Variants in VKORC1L1 observed in about 807,000 individuals in gnomAD.
VKORC1L1 encodes vitamin K epoxide reductase complex subunit 1L1.
A neutral mutation model predicts 18.9 loss-of-function variants in VKORC1L1; 2 were observed. The observed-to-expected ratio is 0.11, with a 90% confidence interval of 0.04 to 0.33. The LOEUF is 0.33. Among genes scored for constraint, VKORC1L1 ranks in the 10% least tolerant of loss-of-function variants. The pLI, the probability that VKORC1L1 is intolerant of heterozygous loss-of-function variation, is 1.00. For synonymous variants in VKORC1L1, 96 were observed against 100.0 expected (o/e 0.96, Z 0.24); for missense variants, 123 against 224.1 (o/e 0.55, Z 2.88).
intron 1 of VKORC1L1, among the ~76,000 whole-genome samples, chr7:65,907,217 C>T (rs1789420594): frequency 6.6e-6 from 1 of 152,046 alleles, no homozygotes; most frequent in Non-Finnish European, 1.5e-5. Flanking sequence ...GAGGCAGGCA[C>T]ACCATCTGAA....
At chr7:65,886,621 T>C (rs1163606593) in intron 1 of VKORC1L1, among the ~76,000 whole-genome samples, 1 of 151,948 alleles carries the variant, frequency 6.6e-6, no homozygotes, top group Non-Finnish European at 1.5e-5. Flanking sequence ...CACTGCAACC[T>C]CCGCCTCCCG....
chr7:65,928,216 C>A (rs1003861810), intron 1 of VKORC1L1, among the ~76,000 whole-genome samples: 20 of 149,360 alleles, frequency 1.3e-4, no homozygotes, highest in African/African-American at 4.9e-4. Context: ...CTATTAGCAT[C>A]AACATCAAAA....
At chr7:65,933,443 G>T (rs952501550) in intron 1 of VKORC1L1, among the ~76,000 whole-genome samples, 14 of 151,870 alleles carry the variant, frequency 9.2e-5, no homozygotes, top group African/African-American at 3.4e-4. Context: ...ATACAAGCAC[G>T]GTACCTTTTG....
At chr7:65,950,329 A>C (rs187788849) in intron 2 of VKORC1L1, among the ~76,000 whole-genome samples, 6 of 152,318 alleles carry the variant, frequency 3.9e-5, no homozygotes, top group Non-Finnish European at 7.4e-5. Flanking sequence ...TTTTAGAGTT[A>C]AATCCATCTG....
At chr7:65,897,368 TC>T (rs760763972) in intron 1 of VKORC1L1, among the ~76,000 whole-genome samples, 4 of 152,226 alleles carry the variant, frequency 2.6e-5, no homozygotes, top group Non-Finnish European at 4.4e-5. Context: ...GATAGCTACT[TC>T]CGTATATTAA....
chr7:65,913,564 A>G (rs1789537437), intron 1 of VKORC1L1, among the ~76,000 whole-genome samples: 1 of 151,758 alleles, frequency 6.6e-6, no homozygotes, highest in East Asian at 1.9e-4. Context: ...CATCTCTACT[A>G]AAAATACAAA....
At chr7:65,903,937 A>T (rs1021249789) in intron 1 of VKORC1L1, among the ~76,000 whole-genome samples, 1 of 151,974 alleles carries the variant, frequency 6.6e-6, no homozygotes, top group Admixed American at 6.6e-5. Context: ...AAACATAAGA[A>T]TTTTTTTTCC....
chr7:65,925,571 T>G (rs36033484), intron 1 of VKORC1L1, among the ~76,000 whole-genome samples: 16,907 of 152,208 alleles, frequency 0.11, 1,095 homozygotes, highest in Middle Eastern at 0.2. Context: ...TTAAGCTTCT[T>G]GAGGGTAGGG....
chr7:65,870,729 G>A (rs543015298), upstream of VKORC1L1, among the ~76,000 whole-genome samples: 3 of 152,312 alleles, frequency 2.0e-5, no homozygotes, highest in Non-Finnish European at 4.4e-5. Flanking sequence ...GGAAGTTGCA[G>A]GAGTCTACTT....
chr7:65,951,648 A>G (rs780963172), intron 2 of VKORC1L1, among the ~76,000 whole-genome samples: 17 of 152,010 alleles, frequency 1.1e-4, no homozygotes, highest in Admixed American at 8.5e-4. Context: ...CCTTCCCTTT[A>G]TGCCTGGTTT....
At chr7:65,910,877 C>G (rs1481818929) in intron 1 of VKORC1L1, among the ~76,000 whole-genome samples, 1 of 152,156 alleles carries the variant, frequency 6.6e-6, no homozygotes. Context: ...TCATCTGCTT[C>G]TATTAGCCTT....
intron 1 of VKORC1L1, among the ~76,000 whole-genome samples, chr7:65,896,572 T>TCCC (rs1789217030): frequency 7.1e-6 from 1 of 140,666 alleles, no homozygotes. Context: ...CCTTCCTTCT[T>TCCC]TCCCTCCCTC....
In VKORC1L1 at chr7:65,886,991, A is replaced by C. The variant is rs538769880; in HGVS notation, c.194+13426A>C. ...CAGCCTCCCAAGTAGCTGGGATTAC[A>C]GGCGCACGCCACCAACCCTGGCTGA... On this transcript the variant is annotated intron_variant, in intron 1 of 2. Coordinates refer to ENST00000360768, the MANE Select transcript of VKORC1L1 (RefSeq NM_173517.6). Among the ~76,000 whole-genome samples the C allele has an allele frequency of 5.5e-4, 83 of 151,254 alleles. 2 individuals carry two copies. The highest frequency in any genetic ancestry group is 2.8e-4 in the Non-Finnish European group (19 of 67,898).
chr7:65,877,432 C>T (rs1470193393), intron 1 of VKORC1L1, among the ~76,000 whole-genome samples: 5 of 151,886 alleles, frequency 3.3e-5, no homozygotes, highest in Admixed American at 2.6e-4. Flanking sequence ...ACTGCAACCT[C>T]CACCTCCCGG....
intron 1 of VKORC1L1, among the ~76,000 whole-genome samples, chr7:65,890,467 C>T (rs1361685526): frequency 6.6e-6 from 1 of 152,038 alleles, no homozygotes; most frequent in Non-Finnish European, 1.5e-5. Flanking sequence ...TGGCATTTCA[C>T]CATGTTGGCC....
chr7:65,909,236 G>A (rs1329124390), intron 1 of VKORC1L1, among the ~76,000 whole-genome samples: 6 of 149,320 alleles, frequency 4.0e-5, no homozygotes, highest in Non-Finnish European at 7.4e-5. Context: ...CACCCACCTC[G>A]GCCTCCCAAA....
At chr7:65,918,444 C>T (rs1789623474) in intron 1 of VKORC1L1, among the ~76,000 whole-genome samples, 1 of 152,228 alleles carries the variant, frequency 6.6e-6, no homozygotes, top group African/African-American at 2.4e-5. Context: ...TGACATGAAA[C>T]TCACTGCAAG....
At chr7:65,928,608 A>G (rs1442313285) in intron 1 of VKORC1L1, among the ~76,000 whole-genome samples, 1 of 152,202 alleles carries the variant, frequency 6.6e-6, no homozygotes, top group Non-Finnish European at 1.5e-5. Flanking sequence ...GTGATAGTCC[A>G]TGGTATGTAC....
At position 65,956,362 on chromosome 7, in the gene VKORC1L1, A is replaced by G. The variant is rs1790295430; in HGVS notation, c.*2062A>G. The stretch of plus-strand genomic sequence containing the variant: ...CTAAACAAGTTCCTCGTGTCCCAAT[A>G]TCCAATGGTTTTTCATCCTATTTTG... On this transcript the variant is annotated 3_prime_UTR_variant, in exon 3 of 3. Coordinates refer to ENST00000360768, the MANE Select transcript of VKORC1L1 (RefSeq NM_173517.6). 1 of 152,188 alleles carries G rather than the reference A, an allele frequency of 6.6e-6. No homozygotes were observed. 9.4% of individuals were successfully genotyped at this position (152,188 alleles called of 1,614,324 possible). A position where few individuals can be genotyped will look rare whatever the true frequency, so the allele number is the denominator to read the frequency against.
Sources: gnomAD v4.1 joint callset for allele counts (sites outside exome capture counted in the v4.1 genomes callset) on GRCh38, gnomAD v4.1.1 for gene constraint, MANE v1.5 for transcripts, NCBI Gene and HGNC (gene_info 2026-07-23, HGNC 2026-07-21) for gene names.